Variants in ENPEP observed in about 807,000 individuals in gnomAD.
ENPEP encodes AP-A.
Under a neutral mutation model 114.5 loss-of-function variants are expected in ENPEP, and 103 were observed. The observed-to-expected ratio is 0.90, with a 90% CI of 0.77 to 1.06. The LOEUF is 1.06. ENPEP is among the 50% of genes least tolerant of loss of function. The pLI is 0.00. For synonymous variants in ENPEP, 420 were observed against 422.0 expected (o/e 1.00, Z 0.06); for missense variants, 1,196 against 1,161.3 (o/e 1.03, Z -0.43).
At chr4:110,560,303 T>C (rs746453118) in intron 19 of ENPEP, among the ~76,000 whole-genome samples, 86 of 152,322 alleles carry the variant, frequency 5.6e-4, no homozygotes, top group Non-Finnish European at 8.4e-4. Context: ...TTTGGGTATA[T>C]ACCCAGTAAC....
At chr4:110,557,875 A>G (rs1727533137) in intron 18 of ENPEP, among the ~76,000 whole-genome samples, 1 of 152,122 alleles carries the variant, frequency 6.6e-6, no homozygotes, top group Non-Finnish European at 1.5e-5. Flanking sequence ...TCCCATTGGT[A>G]CATTTTCATT....
At chr4:110,493,122 C>T (rs1328897699) in intron 3 of ENPEP, among the ~76,000 whole-genome samples, 4 of 152,244 alleles carry the variant, frequency 2.6e-5, no homozygotes, top group Non-Finnish European at 4.4e-5. Context: ...ACTCTATCAC[C>T]AGGTCCTCTG....
At chr4:110,525,434 C>T (rs1430758453) in intron 10 of ENPEP, among the ~76,000 whole-genome samples, 1 of 151,944 alleles carries the variant, frequency 6.6e-6, no homozygotes, top group Non-Finnish European at 1.5e-5. Context: ...TTTTATTGCC[C>T]CCTCTTTCAA....
chr4:110,520,136 T>C, intron 9 of ENPEP, 63 bp downstream of exon 9: 1 of 1,595,864 alleles, frequency 6.3e-7, no homozygotes, highest in Non-Finnish European at 8.6e-7. Context: ...TTACCAATCA[T>C]TTTCTAATCT....
intron 10 of ENPEP, among the ~76,000 whole-genome samples, chr4:110,526,297 C>T (rs1274583759): frequency 1.3e-5 from 2 of 151,934 alleles, no homozygotes; most frequent in Admixed American, 6.6e-5. Flanking sequence ...ACAAACCCCC[C>T]GCCCCAAAAC....
At chr4:110,545,956 G>A (rs144350203) in intron 13 of ENPEP, among the ~76,000 whole-genome samples, 10 of 151,982 alleles carry the variant, frequency 6.6e-5, no homozygotes, top group East Asian at 5.8e-4. Context: ...ACCAAGCCAC[G>A]GTGCCTCCAA....
intron 13 of ENPEP, 21 bp from the exon 14 acceptor site, chr4:110,548,155 T>C: frequency 8.3e-7 from 1 of 1,211,304 alleles, no homozygotes; most frequent in Non-Finnish European, 1.0e-6. Context: ...TTTTTTTTTT[T>C]TTTTTTTTTG....
At chr4:110,542,481 A>G (rs1205399163) in intron 11 of ENPEP, among the ~76,000 whole-genome samples, 1 of 152,026 alleles carries the variant, frequency 6.6e-6, no homozygotes, top group Admixed American at 6.6e-5. Context: ...CGCCCATTTG[A>G]CAAGCTTCTG....
rs1725651838 is a variant in ENPEP, at chr4:110,513,414, G to A, written c.1309-1G>A. On this transcript the variant is annotated splice_acceptor_variant, in intron 6 of 19. Coordinates refer to ENST00000265162, the MANE Select transcript of ENPEP (RefSeq NM_001977.4). LOFTEE classifies it high-confidence loss of function. ...TCCTTTGGCTCATTCTTTCATTTCA[G>A]CGTGACCAAATGTTACTTGAAGATG... is the stretch of plus-strand genomic sequence containing the variant. 1 of 1,609,816 alleles carries A rather than the reference G, an allele frequency of 6.2e-7. No homozygotes were observed. The highest frequency in any genetic ancestry group is 1.3e-5 in the African/African-American group (1 of 74,814).
At chr4:110,531,064 T>G in intron 10 of ENPEP, 134 bp from the exon 11 acceptor site, 1 of 394,140 alleles carries the variant, frequency 2.5e-6, no homozygotes, top group Non-Finnish European at 4.3e-6. Flanking sequence ...ATTAACTACA[T>G]TAATTGTGTA....
At chr4:110,558,232 A>G (rs1301840366) in intron 18 of ENPEP, among the ~76,000 whole-genome samples, 1 of 147,114 alleles carries the variant, frequency 6.8e-6, no homozygotes, top group East Asian at 2.0e-4. Context: ...GCTTTTGCAT[A>G]TATATATAGG....
intron 3 of ENPEP, among the ~76,000 whole-genome samples, chr4:110,502,688 G>A (rs1191765942): frequency 1.3e-5 from 2 of 152,102 alleles, no homozygotes; most frequent in Non-Finnish European, 2.9e-5. Context: ...TTGTAGTATA[G>A]TTTAAAGTCA....
At chr4:110,549,290 G>A in intron 14 of ENPEP, 56 bp from the exon 15 acceptor site, 1 of 1,321,452 alleles carries the variant, frequency 7.6e-7, no homozygotes. Flanking sequence ...TAATAATTGG[G>A]ATACTACTGA....
chr4:110,550,282 T>A (rs1277995784), intron 17 of ENPEP, among the ~76,000 whole-genome samples: 2 of 152,122 alleles, frequency 1.3e-5, no homozygotes, highest in Admixed American at 1.3e-4. Flanking sequence ...GCTCTGTCTC[T>A]TATGCCAACA....
At position 110,561,469 on chromosome 4, in the gene ENPEP, C is replaced by G. The variant is rs771639965; in HGVS notation, c.2785C>G (p.Leu929Val). 6.2e-6 allele frequency: 10 copies of G among 1,613,926 alleles called. No homozygotes were observed. Among genetic ancestry groups the G allele is most frequent in the Non-Finnish European group, 6.8e-6 (8 of 1,179,922 alleles). Reference sequence around the variant, plus strand: ...AGGAGAAAAACCTAGGGAACAAGTGCTGGAAACAGTGAAAAACAATATAGA... The same window carrying G: ...AGGAGAAAAACCTAGGGAACAAGTGGTGGAAACAGTGAAAAACAATATAGA... ...GAGEKPREQVLETVKNNIEWL... is the reference protein window; with the variant it reads ...GAGEKPREQVVETVKNNIEWL... Residue 929 changes from leucine to valine, a missense_variant, in exon 20 of 20, where the codon CTG becomes GTG. Leu to Val is a conservative substitution (Grantham distance 32). Transcript: ENST00000265162.
At chr4:110,479,830 T>C (rs775056864) in intron 1 of ENPEP, among the ~76,000 whole-genome samples, 1 of 152,052 alleles carries the variant, frequency 6.6e-6, no homozygotes, top group African/African-American at 2.4e-5. Flanking sequence ...CATCAAAATA[T>C]TTATAAAATA....
At chr4:110,500,119 C>G (rs1725097005) in intron 3 of ENPEP, 1 of 152,006 alleles carries the variant, frequency 6.6e-6, no homozygotes, top group Admixed American at 6.6e-5. Flanking sequence ...TCATGATTGT[C>G]AAGTGAAGTC....
chr4:110,496,800 C>CA (rs776123851), intron 3 of ENPEP, among the ~76,000 whole-genome samples: 47 of 152,342 alleles, frequency 3.1e-4, no homozygotes, highest in Middle Eastern at 6.8e-3. Flanking sequence ...CTTTTCATCA[C>CA]ATCCTATCAG....
intron 10 of ENPEP, among the ~76,000 whole-genome samples, chr4:110,529,794 C>G (rs977502370): frequency 1.3e-5 from 2 of 152,154 alleles, no homozygotes; most frequent in African/African-American, 2.4e-5. Flanking sequence ...ACAAAGGGGG[C>G]CGGGCACAGT....
Sources: allele counts gnomAD v4.1 joint callset (sites outside exome capture counted in the v4.1 genomes callset), GRCh38; gene constraint gnomAD v4.1.1; transcripts MANE v1.5; gene names NCBI Gene and HGNC (gene_info 2026-07-23, HGNC 2026-07-21).